DCC: variants seen among roughly 807,000 people sequenced by gnomAD.
DCC encodes the protein netrin receptor DCC.
In DCC, 58 loss-of-function variants were observed where a neutral mutation model predicts 172.5. The ratio of observed to expected loss-of-function variants is 0.34; its 90% CI spans 0.27 to 0.42. The LOEUF is 0.42. Ranked by LOEUF, DCC falls within the 10% of genes least tolerant of loss-of-function variation. DCC has a pLI of 1.00. For missense variants in DCC, 1,740 were observed against 1,791.0 expected (o/e 0.97, Z 0.51); for synonymous variants, 709 against 644.5 (o/e 1.10, Z -1.52).
At chr18:53,396,158 T>A (rs1053661139) in intron 17 of DCC, among the ~76,000 whole-genome samples, 5 of 151,784 alleles carry the variant, frequency 3.3e-5, no homozygotes, top group African/African-American at 1.2e-4. Flanking sequence ...AAGATACGTA[T>A]GATATGAGTG....
intron 7 of DCC, among the ~76,000 whole-genome samples, chr18:53,148,141 C>T (rs1325324900): frequency 2.6e-5 from 4 of 152,196 alleles, no homozygotes; most frequent in African/African-American, 9.7e-5. Flanking sequence ...AGTAGTGTCT[C>T]ATAACCAAAG....
chr18:53,154,703 G>A lies in DCC; in HGVS notation c.1262-2653G>A, dbSNP rs376786460. On this transcript the variant is annotated intron_variant, in intron 7 of 28. Transcript: ENST00000442544. ...TCAGGAGCGGGGAACCCTAGCATGCGGTGAGTGAAGGAGAGTCAGGAATCA... is the reference window on the plus strand; with the variant it reads ...TCAGGAGCGGGGAACCCTAGCATGCAGTGAGTGAAGGAGAGTCAGGAATCA... 9.8e-4 allele frequency among the ~76,000 whole-genome samples: 149 copies of A among 152,156 alleles called. 1 individual carries two copies. The highest frequency in any genetic ancestry group is 3.4e-3 in the African/African-American group (141 of 41,506).
At chr18:53,050,073 G>A (rs1441340507) in intron 5 of DCC, among the ~76,000 whole-genome samples, 1 of 131,120 alleles carries the variant, frequency 7.6e-6, no homozygotes, top group Non-Finnish European at 1.5e-5. Flanking sequence ...CTTAGAGTCT[G>A]ATGTTCAAGG....
intron 1 of DCC, among the ~76,000 whole-genome samples, chr18:52,437,774 G>C (rs919686979): frequency 6.6e-6 from 1 of 152,098 alleles, no homozygotes; most frequent in Admixed American, 6.5e-5. Flanking sequence ...CTAGGTCTTG[G>C]CTATATGGAA....
chr18:52,522,881 A>G (rs1040925282), intron 1 of DCC, among the ~76,000 whole-genome samples: 1 of 152,180 alleles, frequency 6.6e-6, no homozygotes, highest in African/African-American at 2.4e-5. Flanking sequence ...GTTGGGTGTG[A>G]CAATCATTGC....
At chr18:52,915,579 CT>C (rs1158404169) in intron 3 of DCC, among the ~76,000 whole-genome samples, 1 of 152,052 alleles carries the variant, frequency 6.6e-6, no homozygotes, top group Admixed American at 6.6e-5. Context: ...TGATAGTTGA[CT>C]TTTTGTTTCT....
chr18:53,466,526 T>C (rs1236306882), intron 24 of DCC, among the ~76,000 whole-genome samples: 1 of 152,134 alleles, frequency 6.6e-6, no homozygotes, highest in East Asian at 1.9e-4. Flanking sequence ...GCATAGTTCA[T>C]TTTTACTTTT....
intron 7 of DCC, among the ~76,000 whole-genome samples, chr18:53,111,073 A>G (rs1460954241): frequency 4.7e-5 from 7 of 148,990 alleles, no homozygotes; most frequent in Non-Finnish European, 4.5e-5. Context: ...GCAGCCATAA[A>G]AAATGATGAG....
At chr18:52,636,679 G>T (rs932355359) in intron 1 of DCC, among the ~76,000 whole-genome samples, 7 of 152,044 alleles carry the variant, frequency 4.6e-5, no homozygotes, top group Non-Finnish European at 8.8e-5. Flanking sequence ...CCACCCCAGA[G>T]AGTCTGAACT....
At chr18:53,443,454 A>C (rs1171990369) in intron 22 of DCC, among the ~76,000 whole-genome samples, 3 of 152,232 alleles carry the variant, frequency 2.0e-5, no homozygotes, top group Non-Finnish European at 4.4e-5. Context: ...ATTTCAAAAT[A>C]TTACTGCACA....
intron 12 of DCC, among the ~76,000 whole-genome samples, chr18:53,225,977 G>T (rs771970859): frequency 1.6e-4 from 25 of 152,138 alleles, no homozygotes; most frequent in Admixed American, 6.6e-5. Context: ...TGGGCATGGG[G>T]CAGAGTGGTG....
At chr18:53,277,343 G>A (rs139638806) in intron 12 of DCC, among the ~76,000 whole-genome samples, 2 of 152,182 alleles carry the variant, frequency 1.3e-5, no homozygotes, top group Non-Finnish European at 2.9e-5. Flanking sequence ...GGTGGCACAC[G>A]CCTGTGGTCC....
chr18:52,990,627 T>A (rs1568231518), intron 5 of DCC, among the ~76,000 whole-genome samples: 1 of 151,480 alleles, frequency 6.6e-6, no homozygotes, highest in East Asian at 1.9e-4. Context: ...AAATAAATTA[T>A]CAGTTTTTTC....
At chr18:52,889,699 C>T (rs1430073531) in intron 2 of DCC, among the ~76,000 whole-genome samples, 1 of 151,990 alleles carries the variant, frequency 6.6e-6, no homozygotes, top group Non-Finnish European at 1.5e-5. Context: ...AGAATCCAAC[C>T]CTTTAGGGTT....
chr18:53,105,512 T>C (rs9946519), intron 7 of DCC, among the ~76,000 whole-genome samples: 104,858 of 151,904 alleles, frequency 0.69, 38,009 homozygotes, highest in African/African-American at 0.9. Flanking sequence ...TTATTTGTAT[T>C]TTGTTAAGTA....
intron 2 of DCC, among the ~76,000 whole-genome samples, chr18:52,794,621 C>A (rs915158174): frequency 6.6e-6 from 1 of 151,798 alleles, no homozygotes; most frequent in Non-Finnish European, 1.5e-5. Context: ...ATTTGGATGC[C>A]TTTTATTTCT....
chr18:53,463,883 G>T (rs1248289024), intron 24 of DCC, among the ~76,000 whole-genome samples: 1 of 152,192 alleles, frequency 6.6e-6, no homozygotes, highest in African/African-American at 2.4e-5. Context: ...CTATGGAAAA[G>T]AGAATTGAAT....
intron 1 of DCC, among the ~76,000 whole-genome samples, chr18:52,556,719 A>T (rs2032924362): frequency 1.3e-5 from 2 of 152,070 alleles, no homozygotes; most frequent in African/African-American, 4.8e-5. Flanking sequence ...CTTAATGGCA[A>T]CACTCCTTCC....
chr18:53,382,848 G>A (rs951642586), intron 15 of DCC, among the ~76,000 whole-genome samples: 4 of 151,926 alleles, frequency 2.6e-5, no homozygotes, highest in Non-Finnish European at 5.9e-5. Flanking sequence ...GAATCCATGT[G>A]GTTTAGAGTC....
Sources: allele counts gnomAD v4.1 joint callset (sites outside exome capture counted in the v4.1 genomes callset), GRCh38; gene constraint gnomAD v4.1.1; transcripts MANE v1.5; gene names NCBI Gene and HGNC (gene_info 2026-07-23, HGNC 2026-07-21).